ADCY5: variants seen among roughly 807,000 people sequenced by gnomAD.
ADCY5 encodes adenylate cyclase 5, also known as adenylate cyclase type 5.
ADCY5 carries 30 observed loss-of-function variants against 119.7 expected under a neutral mutation model. That is an observed-to-expected ratio of 0.25 (90% CI 0.19 to 0.34). The LOEUF (loss-of-function observed/expected upper bound fraction) is 0.34, where lower values mean the gene tolerates loss of function less well. Ranked by LOEUF, ADCY5 falls within the 10% of genes least tolerant of loss-of-function variation. ADCY5 has a pLI of 1.00. For missense variants in ADCY5, 1,324 were observed against 1,775.2 expected (o/e 0.75, Z 4.57); for synonymous variants, 753 against 762.2 (o/e 0.99, Z 0.20).
At chr3:123,298,040 T>C (rs1366579332) in intron 15 of ADCY5, among the ~76,000 whole-genome samples, 1 of 152,200 alleles carries the variant, frequency 6.6e-6, no homozygotes, top group Non-Finnish European at 1.5e-5. Context: ...TGCTCTATCT[T>C]CCAGGCTGCA....
intron 3 of ADCY5, among the ~76,000 whole-genome samples, chr3:123,336,968 C>T (rs1455320999): frequency 2.0e-5 from 3 of 152,194 alleles, no homozygotes; most frequent in African/African-American, 7.2e-5. Context: ...GTGGGCTCTG[C>T]TGTTGATTGT....
intron 1 of ADCY5, among the ~76,000 whole-genome samples, chr3:123,378,104 C>T (rs181914341): frequency 6.6e-5 from 10 of 152,286 alleles, no homozygotes; most frequent in Admixed American, 3.3e-4. Context: ...GTATAGCAGT[C>T]GCCTGCTCTC....
Position 123,327,637 on chromosome 3 carries a change from A to G in ADCY5, c.1928T>C (p.Leu643Pro). 6.2e-7 allele frequency: 1 copy of G among 1,613,972 alleles called. No individual in the cohort carries two copies. Among genetic ancestry groups the G allele is most frequent in the Non-Finnish European group, 8.5e-7 (1 of 1,179,974 alleles). Residue 643 changes from leucine to proline, a missense_variant, in exon 7 of 21, where the codon CTG becomes CCG. Leu to Pro is a moderately conservative substitution (Grantham distance 98). This residue lies in a region of ADCY5 where 424 missense variants were observed against 546.8 expected (regional missense o/e 0.78). Transcript: ENST00000462833. ...ACAGACCCGCTTCTGGGTGCAGCGCAGGATGAGGAAGGTCTCGATACTGTG... is the reference window on the plus strand; with the variant it reads ...ACAGACCCGCTTCTGGGTGCAGCGCGGGATGAGGAAGGTCTCGATACTGTG... ...KEHSIETFLI[L>P]RCTQKRKEEK... is the part of the protein sequence containing the mutation.
intron 1 of ADCY5, among the ~76,000 whole-genome samples, chr3:123,400,961 T>TA (rs1559863081): frequency 6.7e-6 from 1 of 150,082 alleles, no homozygotes; most frequent in African/African-American, 2.5e-5. Flanking sequence ...GAAATAAAAA[T>TA]AAAAATAAAT....
intron 14 of ADCY5, among the ~76,000 whole-genome samples, chr3:123,302,426 C>T (rs1489196568): frequency 6.6e-6 from 1 of 152,214 alleles, no homozygotes; most frequent in Non-Finnish European, 1.5e-5. Context: ...GGTGAACACA[C>T]TAAAAGCTAC....
At chr3:123,387,868 G>C (rs1027612043) in intron 1 of ADCY5, among the ~76,000 whole-genome samples, 1 of 152,220 alleles carries the variant, frequency 6.6e-6, no homozygotes, top group East Asian at 1.9e-4. Flanking sequence ...GCTGGTCACG[G>C]TGTGTGGTCA....
chr3:123,319,569 C>G, intron 10 of ADCY5, 105 bp downstream of exon 10: 1 of 1,404,684 alleles, frequency 7.1e-7, no homozygotes. Flanking sequence ...TGAGGCCACC[C>G]CTTCCGTGGT....
At chr3:123,402,755 A>C (rs1017119734) in intron 1 of ADCY5, among the ~76,000 whole-genome samples, 3 of 151,670 alleles carry the variant, frequency 2.0e-5, no homozygotes, top group African/African-American at 7.3e-5. Context: ...CGGGAGGCAG[A>C]GGCAGGAGAA....
At chr3:123,357,254 G>A (rs1190935026) in intron 1 of ADCY5, among the ~76,000 whole-genome samples, 1 of 151,804 alleles carries the variant, frequency 6.6e-6, no homozygotes, top group African/African-American at 2.4e-5. Context: ...AAAAAAAAAA[G>A]GGCAGGAGTC....
intron 1 of ADCY5, among the ~76,000 whole-genome samples, chr3:123,445,651 C>T (rs1390422725): frequency 6.6e-6 from 1 of 152,192 alleles, no homozygotes; most frequent in Non-Finnish European, 1.5e-5. Context: ...CAAAAGTCTT[C>T]TGCAAAGCTG....
intron 3 of ADCY5, among the ~76,000 whole-genome samples, chr3:123,343,286 C>T (rs528133576): frequency 1.3e-5 from 2 of 152,200 alleles, no homozygotes; most frequent in Non-Finnish European, 2.9e-5. Flanking sequence ...TGCAATGTGG[C>T]TGGTGGTCCC....
chr3:123,447,949 G>A lies in ADCY5; in HGVS notation c.597C>T (p.Pro199=). 7 of 1,537,360 alleles carry A rather than the reference G, an allele frequency of 4.6e-6. No homozygotes were observed. Among genetic ancestry groups the A allele is most frequent in the Middle Eastern group, 1.7e-4 (1 of 5,782 alleles). Residue 199 remains proline (P), a synonymous_variant, in exon 1 of 21, where the codon CCC becomes CCT. Coordinates refer to ENST00000462833, the MANE Select transcript of ADCY5 (RefSeq NM_183357.3). ...AGGCGCCCAGGGACAGCACCGCGCCGGGCCCCGCGCCCGAGCCCGAGTCCG... is the reference window on the plus strand; with the variant it reads ...AGGCGCCCAGGGACAGCACCGCGCCAGGCCCCGCGCCCGAGCCCGAGTCCG... ...SSADSGSGAG[P]GAVLSLGACC... is the part of the protein sequence containing the mutation.
intron 2 of ADCY5, 74 bp from the exon 3 acceptor site, chr3:123,347,977 T>A: frequency 1.3e-6 from 2 of 1,588,842 alleles, no homozygotes; most frequent in South Asian, 1.1e-5. Context: ...TCCACACCTG[T>A]GCCCCTGCCT....
intron 1 of ADCY5, among the ~76,000 whole-genome samples, chr3:123,389,453 C>T (rs970960256): frequency 8.5e-5 from 13 of 152,054 alleles, no homozygotes; most frequent in African/African-American, 3.1e-4. Flanking sequence ...ACCACTTTTT[C>T]CCAATACCAG....
At chr3:123,355,025 C>T (rs1021422117) in intron 1 of ADCY5, among the ~76,000 whole-genome samples, 1 of 152,146 alleles carries the variant, frequency 6.6e-6, no homozygotes, top group Admixed American at 6.5e-5. Context: ...AGACTGAATG[C>T]CTTCCTCTAA....
chr3:123,392,057 C>T (rs1944414791), intron 1 of ADCY5, among the ~76,000 whole-genome samples: 1 of 152,218 alleles, frequency 6.6e-6, no homozygotes. Flanking sequence ...GGACGAGCGC[C>T]TCCTCCTCAC....
In ADCY5 at chr3:123,374,143, G is replaced by C. The variant is rs368217853; in HGVS notation, c.1135-21562C>G. Among the ~76,000 whole-genome samples, 21 of 152,270 alleles carry C rather than the reference G, an allele frequency of 1.4e-4. No individual in the cohort carries two copies. In the East Asian group the frequency reaches 2.9e-3, roughly 21 times the overall value. The stretch of plus-strand genomic sequence containing the variant: ...AGAGGTCAAGACAGGCATCAGGGAG[G>C]GGGTAAGGTTTGGGCTGGGAGCTGA... On this transcript the variant is annotated intron_variant, in intron 1 of 20. Transcript: ENST00000462833.
intron 1 of ADCY5, among the ~76,000 whole-genome samples, chr3:123,428,678 C>G (rs911331998): frequency 1.3e-5 from 2 of 152,210 alleles, no homozygotes; most frequent in African/African-American, 4.8e-5. Flanking sequence ...AACCTGATAA[C>G]GTCAATCTGT....
At chr3:123,400,025 A>G (rs1225552613) in intron 1 of ADCY5, among the ~76,000 whole-genome samples, 2 of 152,168 alleles carry the variant, frequency 1.3e-5, no homozygotes, top group Non-Finnish European at 2.9e-5. Context: ...CACAATGAAC[A>G]TGGGTTCAGA....
Sources: gnomAD v4.1 joint callset for allele counts (sites outside exome capture counted in the v4.1 genomes callset) on GRCh38, gnomAD v4.1.1 for gene constraint, gnomAD v4.1.1 regional missense constraint, MANE v1.5 for transcripts, NCBI Gene and HGNC (gene_info 2026-07-23, HGNC 2026-07-21) for gene names.